IL12RB2: variants seen among roughly 807,000 people sequenced by gnomAD.
IL12RB2 encodes interleukin-12 receptor subunit beta-2.
In IL12RB2, 82 loss-of-function variants were observed where a neutral mutation model predicts 89.4. The observed-to-expected ratio is 0.92, with a 90% confidence interval of 0.77 to 1.10. The LOEUF (loss-of-function observed/expected upper bound fraction) is 1.10. Among genes scored for constraint, IL12RB2 ranks in the 50% least tolerant of loss-of-function variants. IL12RB2 has a pLI of 0.00. For synonymous variants in IL12RB2, 368 were observed against 370.1 expected (o/e 0.99, Z 0.07); for missense variants, 963 against 1,031.9 (o/e 0.93, Z 0.92).
chr1:67,381,106 TA>T (rs57396009), intron 14 of IL12RB2, among the ~76,000 whole-genome samples: 113 of 152,354 alleles, frequency 7.4e-4, no homozygotes, highest in Non-Finnish European at 1.5e-3. Flanking sequence ...GAAATGAATT[TA>T]AAAATGAAGG....
chr1:67,321,932 G>T, intron 4 of IL12RB2, 43 bp downstream of exon 4: 1 of 1,551,082 alleles, frequency 6.4e-7, no homozygotes, highest in Non-Finnish European at 8.9e-7. Context: ...GTGATCTTTT[G>T]GTATTTTTGA....
At chr1:67,337,960 AT>A (rs1190754350) in intron 8 of IL12RB2, among the ~76,000 whole-genome samples, 1 of 149,064 alleles carries the variant, frequency 6.7e-6, no homozygotes, top group Admixed American at 6.7e-5. Context: ...CTTTATTTTT[AT>A]TTTTTTGCTC....
At chr1:67,320,537 AGTTG>A in intron 3 of IL12RB2, 93 bp downstream of exon 3, 5 of 1,594,532 alleles carry the variant, frequency 3.1e-6, no homozygotes, top group Non-Finnish European at 1.7e-6. Context: ...ATGTTCTGGT[AGTTG>A]GTCTTTTGTA....
At chr1:67,333,196 T>A (rs1480613321) in intron 8 of IL12RB2, among the ~76,000 whole-genome samples, 2 of 152,164 alleles carry the variant, frequency 1.3e-5, no homozygotes, top group Non-Finnish European at 2.9e-5. Context: ...TGTGGGTTGT[T>A]GTAGGTCTTT....
Position 67,329,115 on chromosome 1 carries a change from TC to T in IL12RB2, c.665-469del, listed in dbSNP as rs1657713260. On this transcript the variant is annotated intron_variant, in intron 6 of 16. Coordinates refer to ENST00000674203, the MANE Select transcript of IL12RB2 (RefSeq NM_001374259.2). ...CCACCATATTTCTTCTCAGGCTTCC[TC>T]CCATTTCTTTCATAGACCGTTCATC... Among the ~76,000 whole-genome samples, 4 of 152,302 alleles carry T rather than the reference TC, an allele frequency of 2.6e-5. No homozygotes were observed. The South Asian group carries it at 8.3e-4, about 32-fold the overall frequency.
chr1:67,333,075 C>T (rs1338061237), intron 8 of IL12RB2, among the ~76,000 whole-genome samples: 6 of 152,322 alleles, frequency 3.9e-5, no homozygotes, highest in Admixed American at 3.9e-4. Context: ...TATTCAGTCA[C>T]TGAAGGTATT....
Position 67,390,046 on chromosome 1 carries a change from C to A in IL12RB2, c.1964C>A (p.Ala655Glu), listed in dbSNP as rs536463256. 2.5e-5 allele frequency: 32 copies of A among 1,299,368 alleles called. 2 individuals carry two copies. The South Asian group carries it at 3.7e-4, about 15-fold the overall frequency. 80.5% of individuals were successfully genotyped at this position (1,299,368 alleles called of 1,614,324 possible). ...ATCTATAGGGTGTTTGTTCTCCTAGCAGCCCTCAGACCTCAGTGGTGTAGC... is the reference window on the plus strand; with the variant it reads ...ATCTATAGGGTGTTTGTTCTCCTAGAAGCCCTCAGACCTCAGTGGTGTAGC... Reference protein sequence around the residue: ...YFQQKVFVLLAALRPQWCSRE... With the variant: ...YFQQKVFVLLEALRPQWCSRE... Residue 655 changes from alanine (A) to glutamate (E), a missense_variant, in exon 16 of 17, where the codon GCA becomes GAA. By Grantham distance (107) the Ala-to-Glu change is moderately radical (BLOSUM62 -1). Transcript: ENST00000674203.
In IL12RB2 at chr1:67,392,213, A is replaced by G. The variant is rs566319946; in HGVS notation, c.2046+2085A>G. Among the ~76,000 whole-genome samples, 6 of 152,324 alleles carry G rather than the reference A, an allele frequency of 3.9e-5. No individual in the cohort carries two copies. In the South Asian group the frequency reaches 1.2e-3, roughly 32 times the overall value. On this transcript the variant is annotated intron_variant, in intron 16 of 16. Coordinates refer to ENST00000674203, the MANE Select transcript of IL12RB2 (RefSeq NM_001374259.2). ...TAGAAATTGGTATACATATGCCCAA[A>G]GTTGTGTAGTATAAGTGTATTCATT...
rs971215818 is a variant in IL12RB2 at position 67,397,331 on chromosome 1, G to A, written c.*1242G>A. Among the ~76,000 whole-genome samples the A allele has an allele frequency of 6.6e-6, 1 of 152,066 alleles. No homozygotes were observed. Among genetic ancestry groups the A allele is most frequent in the African/African-American group, 2.4e-5 (1 of 41,402 alleles). On this transcript the variant is annotated 3_prime_UTR_variant, in exon 17 of 17. Transcript: ENST00000674203. ...GTGTCTTGTAAAGGGCTGGACCAAA[G>A]GCTCCCTGACCCCTTGTTTCCTCTC...
intron 10 of IL12RB2, among the ~76,000 whole-genome samples, chr1:67,364,540 A>C (rs1429390331): frequency 6.6e-6 from 1 of 152,264 alleles, no homozygotes; most frequent in African/African-American, 2.4e-5. Flanking sequence ...GAAAGTTATC[A>C]GTGGTAACTG....
rs764651568 is a variant in IL12RB2, at chr1:67,326,873, C to A, written c.479+24C>A. ...CAGTGAGTGAGAGGCTGTATTTTTGCAGCTGTTTTGTAGATCTTCTCTTAA... is the reference window on the plus strand; with the variant it reads ...CAGTGAGTGAGAGGCTGTATTTTTGAAGCTGTTTTGTAGATCTTCTCTTAA... On this transcript the variant is annotated intron_variant, in intron 5 of 16. Transcript: ENST00000674203. The A allele has an allele frequency of 2.1e-6, 3 of 1,399,704 alleles. No individual in the cohort carries two copies. The African/African-American group carries it at 4.3e-5, about 20-fold the overall frequency. 86.7% of individuals were successfully genotyped at this position (1,399,704 alleles called of 1,614,324 possible).
intron 10 of IL12RB2, among the ~76,000 whole-genome samples, chr1:67,367,491 A>AAGGAAGGAAG (rs1662822939): frequency 2.0e-5 from 1 of 49,006 alleles, no homozygotes; most frequent in African/African-American, 8.0e-5. Context: ...AAGGAAGCAA[A>AAGGAAGGAAG]GAAGGAAGGA....
chr1:67,372,054 AG>A (rs1306649076), intron 11 of IL12RB2, among the ~76,000 whole-genome samples: 19 of 144,744 alleles, frequency 1.3e-4, no homozygotes, highest in Non-Finnish European at 2.1e-4. Flanking sequence ...TTGTTTCAAA[AG>A]CAGTCTGGGT....
rs887193396 is a variant in IL12RB2, at chr1:67,333,498, C to T, written c.958+2688C>T. Reference sequence around the variant, plus strand: ...AAAATTGAGAGAAATGTAACATCTCCGGGTGGATTGGTGTAGTTGTTTATA... The same window carrying T: ...AAAATTGAGAGAAATGTAACATCTCTGGGTGGATTGGTGTAGTTGTTTATA... On this transcript the variant is annotated intron_variant, in intron 8 of 16. Transcript: ENST00000674203. 4.6e-5 allele frequency among the ~76,000 whole-genome samples: 7 copies of T among 151,492 alleles called. No homozygotes were observed. In the East Asian group the frequency reaches 5.8e-4, roughly 13 times the overall value.
At chr1:67,391,386 T>TACAC (rs1491258426) in intron 16 of IL12RB2, among the ~76,000 whole-genome samples, 5 of 133,770 alleles carry the variant, frequency 3.7e-5, no homozygotes, top group African/African-American at 1.5e-4. Context: ...TGTGTGTGTC[T>TACAC]ATACACACAC....
chr1:67,335,390 G>A (rs1325085770), intron 8 of IL12RB2, among the ~76,000 whole-genome samples: 1 of 152,170 alleles, frequency 6.6e-6, no homozygotes. Context: ...TAGGGAATTG[G>A]TTGGGGGAGT....
In IL12RB2 at chr1:67,351,106, C is replaced by G; in HGVS notation, c.1258+17C>G. On this transcript the variant is annotated intron_variant, in intron 10 of 16. Transcript: ENST00000674203. ...GTGAGGCAGGTAAGTTCTAATTTTT[C>G]TTTAACATTGCCTGTGGAAAACTGT... is the stretch of plus-strand genomic sequence containing the variant. The G allele has an allele frequency of 6.2e-7, 1 of 1,611,514 alleles. No individual in the cohort carries two copies. Among genetic ancestry groups the G allele is most frequent in the Non-Finnish European group, 8.5e-7 (1 of 1,179,542 alleles).
chr1:67,318,409 A>G (rs542092921), intron 2 of IL12RB2, among the ~76,000 whole-genome samples: 4 of 152,158 alleles, frequency 2.6e-5, no homozygotes, highest in African/African-American at 4.8e-5. Flanking sequence ...AATGGCTTAG[A>G]AAGGGCAAGG....
rs186764971 is a variant in IL12RB2 at position 67,325,560 on chromosome 1, C to T, written c.365-1175C>T. Among the ~76,000 whole-genome samples the T allele has an allele frequency of 1.5e-4, 23 of 152,242 alleles. No homozygotes were observed. In the East Asian group the frequency reaches 4.2e-3, roughly 28 times the overall value. On this transcript the variant is annotated intron_variant, in intron 4 of 16. Transcript: ENST00000674203. ...TACAGGCGTGAGCCACCGCATCCAGCGAAAAGAGACTTTTTTAAAGGAAAA... is the reference window on the plus strand; with the variant it reads ...TACAGGCGTGAGCCACCGCATCCAGTGAAAAGAGACTTTTTTAAAGGAAAA...
Sources: gnomAD v4.1 joint callset for allele counts (sites outside exome capture counted in the v4.1 genomes callset) on GRCh38, gnomAD v4.1.1 for gene constraint, MANE v1.5 for transcripts, NCBI Gene and HGNC (gene_info 2026-07-23, HGNC 2026-07-21) for gene names.